DCHS2: variants seen among roughly 807,000 people sequenced by gnomAD.
The protein encoded by DCHS2 is dachsous cadherin-related 2.
In DCHS2, 142 loss-of-function variants were observed where a neutral mutation model predicts 182.4. The observed-to-expected ratio is 0.78, with a 90% CI of 0.68 to 0.89. The LOEUF is 0.89. DCHS2 is among the 40% of genes least tolerant of loss of function. DCHS2 has a pLI of 0.00. For missense variants in DCHS2, 4,319 were observed against 4,198.6 expected (o/e 1.03, Z -0.79); for synonymous variants, 1,740 against 1,663.3 (o/e 1.05, Z -1.12).
chr4:154,365,115 G>T (rs992931103), intron 3 of DCHS2, among the ~76,000 whole-genome samples: 1 of 152,092 alleles, frequency 6.6e-6, no homozygotes, highest in African/African-American at 2.4e-5. Flanking sequence ...AAGACAGCTT[G>T]CCCACTGGGA....
At chr4:154,294,245 T>G (rs2111269114) in intron 13 of DCHS2, among the ~76,000 whole-genome samples, 1 of 152,312 alleles carries the variant, frequency 6.6e-6, no homozygotes, top group Admixed American at 6.5e-5. Flanking sequence ...CAAGGCTTCT[T>G]AAAATTGAAT....
intron 1 of DCHS2, among the ~76,000 whole-genome samples, chr4:154,413,395 T>A (rs965128556): frequency 7.2e-5 from 11 of 152,244 alleles, no homozygotes; most frequent in Admixed American, 3.3e-4. Context: ...TATATTTTCA[T>A]GAATTTATTT....
intron 1 of DCHS2, among the ~76,000 whole-genome samples, chr4:154,487,099 C>T (rs1380525766): frequency 9.9e-5 from 15 of 152,196 alleles, no homozygotes; most frequent in Non-Finnish European, 2.9e-5. Context: ...AATTAATCCA[C>T]CCTGCTTATT....
rs569237329 is a variant in DCHS2 at position 154,490,738 on chromosome 4, C to G, written c.618G>C (p.Leu206=). 118 of 1,551,496 alleles carry G rather than the reference C, an allele frequency of 7.6e-5. No homozygotes were observed. The highest frequency in any genetic ancestry group is 1.8e-4 in the Admixed American group (9 of 50,988). The change falls in exon 1 of 20, where the codon CTG becomes CTC. Residue 206 remains leucine (L), a synonymous_variant. Transcript: ENST00000357232. ...AGLFSTQGYT[L]VQPSDLPKDP... ...CCTTGGGCAGGTCGGACGGTTGCACCAGGGTGTAGCCCTGAGTGCTGAACA... is the reference window on the plus strand; with the variant it reads ...CCTTGGGCAGGTCGGACGGTTGCACGAGGGTGTAGCCCTGAGTGCTGAACA...
intron 1 of DCHS2, among the ~76,000 whole-genome samples, chr4:154,479,997 T>C (rs1384454339): frequency 2.0e-5 from 3 of 152,230 alleles, no homozygotes; most frequent in Non-Finnish European, 2.9e-5. Flanking sequence ...ACAGCCTTTG[T>C]ATTATTTTTA....
chr4:154,249,323 A>G (rs779558434), intron 16 of DCHS2, among the ~76,000 whole-genome samples: 25 of 152,200 alleles, frequency 1.6e-4, no homozygotes, highest in Non-Finnish European at 3.1e-4. Flanking sequence ...GCCAACAAAC[A>G]TATAAAAAAA....
At chr4:154,283,176 A>G (rs1230047795) in intron 13 of DCHS2, among the ~76,000 whole-genome samples, 1 of 152,190 alleles carries the variant, frequency 6.6e-6, no homozygotes, top group Non-Finnish European at 1.5e-5. Context: ...TGTTTTTAAC[A>G]CAATAAAAAA....
intron 6 of DCHS2, 133 bp downstream of exon 6, chr4:154,329,390 C>T (rs1208174746): frequency 1.1e-6 from 1 of 882,626 alleles, no homozygotes; most frequent in African/African-American, 1.7e-5. Flanking sequence ...TGCACAGTAT[C>T]TAGGTCTTCT....
intron 1 of DCHS2, among the ~76,000 whole-genome samples, chr4:154,435,185 T>C (rs1222609336): frequency 6.6e-6 from 1 of 152,202 alleles, no homozygotes; most frequent in Non-Finnish European, 1.5e-5. Flanking sequence ...TCTGTAAATC[T>C]AAAACAATTC....
chr4:154,244,996 T>TC (rs1732007008), intron 16 of DCHS2, among the ~76,000 whole-genome samples: 1 of 152,146 alleles, frequency 6.6e-6, no homozygotes, highest in Non-Finnish European at 1.5e-5. Context: ...TAATTACCAT[T>TC]ATTTTCACAA....
Position 154,274,577 on chromosome 4 carries a change from A to G in DCHS2, c.6464-4564T>C, listed in dbSNP as rs550677237. ...TAGTTTTGCTTTGAAAATTTCATAT[A>G]CTTGTGTATCATGTAGTATCTGGCG... On this transcript the variant is annotated intron_variant, in intron 13 of 19. Transcript: ENST00000357232. Among the ~76,000 whole-genome samples, 9 of 152,272 alleles carry G rather than the reference A, an allele frequency of 5.9e-5. No homozygotes were observed. The South Asian group carries it at 1.0e-3, about 18-fold the overall frequency.
At chr4:154,328,069 T>G in intron 7 of DCHS2, 24 bp downstream of exon 7, 1 of 1,514,434 alleles carries the variant, frequency 6.6e-7, no homozygotes, top group Non-Finnish European at 9.0e-7. Flanking sequence ...AAGTTCTTAA[T>G]CCCGTATGAA....
In DCHS2 at chr4:154,236,743, C is replaced by T; in HGVS notation, c.7909G>A (p.Ala2637Thr). The T allele has an allele frequency of 2.5e-6, 4 of 1,613,954 alleles. No individual in the cohort carries two copies. The highest frequency in any genetic ancestry group is 2.5e-6 in the Non-Finnish European group (3 of 1,179,956). Residue 2637 changes from alanine to threonine, a missense_variant, in exon 20 of 20, where the codon GCA (alanine) becomes ACA (threonine). Physicochemically the swap from Ala to Thr is moderately conservative, Grantham distance 58 (BLOSUM62 0). Transcript: ENST00000357232. ...AATGGAGGGCAGCCACTGTCAGATG[C>T]CAGAATGACAAGCTCATGGCTAGCA... ...ASASHELVIL[A>T]SDSGCPPLSS...
At chr4:154,297,173 G>A (rs1734962665) in intron 13 of DCHS2, among the ~76,000 whole-genome samples, 1 of 152,158 alleles carries the variant, frequency 6.6e-6, no homozygotes, top group South Asian at 2.1e-4. Context: ...TGCTGACCCA[G>A]GTGTGGATTA....
At chr4:154,329,033 AAGATG>A (rs1265396160) in intron 6 of DCHS2, among the ~76,000 whole-genome samples, 1 of 152,234 alleles carries the variant, frequency 6.6e-6, no homozygotes, top group Admixed American at 6.5e-5. Context: ...ACAAATGAAA[AAGATG>A]AGATAATATA....
chr4:154,257,110 T>C (rs1014745583), intron 15 of DCHS2, among the ~76,000 whole-genome samples: 1 of 152,088 alleles, frequency 6.6e-6, no homozygotes, highest in African/African-American at 2.4e-5. Flanking sequence ...TAGCTGGGCG[T>C]GGTGGCATAC....
intron 16 of DCHS2, among the ~76,000 whole-genome samples, chr4:154,247,631 G>T (rs1272611206): frequency 8.4e-6 from 1 of 118,366 alleles, no homozygotes; most frequent in Non-Finnish European, 1.6e-5. Context: ...GCAAGACTCC[G>T]TCTCAAAAAA....
At chr4:154,383,849 G>A (rs1038391500) in intron 1 of DCHS2, among the ~76,000 whole-genome samples, 1 of 151,702 alleles carries the variant, frequency 6.6e-6, no homozygotes, top group African/African-American at 2.4e-5. Context: ...ACGTCTCAGA[G>A]CCCAGTAAAA....
intron 1 of DCHS2, among the ~76,000 whole-genome samples, chr4:154,443,833 T>A (rs1291675458): frequency 6.6e-6 from 1 of 151,744 alleles, no homozygotes; most frequent in Non-Finnish European, 1.5e-5. Flanking sequence ...AAGTGAGGAG[T>A]GTCTTCTTCT....
Sources: gnomAD v4.1 joint callset for allele counts (sites outside exome capture counted in the v4.1 genomes callset) on GRCh38, gnomAD v4.1.1 for gene constraint, MANE v1.5 for transcripts, NCBI Gene and HGNC (gene_info 2026-07-23, HGNC 2026-07-21) for gene names.